The following PRTFDC1 variants were observed in gnomAD, a reference collection of about 807,000 sequenced individuals.
PRTFDC1 encodes phosphoribosyl transferase domain containing 1.
A neutral mutation model predicts 34.6 loss-of-function variants in PRTFDC1; 38 were observed. That is an observed-to-expected ratio of 1.10 (90% CI 0.85 to 1.44). The LOEUF (loss-of-function observed/expected upper bound fraction) is 1.44. Among genes scored for constraint, PRTFDC1 ranks in the 40% most tolerant of loss-of-function variants. PRTFDC1 has a pLI of 0.00. For synonymous variants in PRTFDC1, 93 were observed against 98.1 expected, an observed-to-expected ratio of 0.95 and a Z score of 0.31; for missense variants, 270 against 283.0, an observed-to-expected ratio of 0.95 and a Z score of 0.33.
chr10:24,897,570 T>C (rs891724493), intron 3 of PRTFDC1, among the ~76,000 whole-genome samples: 7 of 152,170 alleles, frequency 4.6e-5, no homozygotes, highest in Non-Finnish European at 7.4e-5. Context: ...AGGGGAGTGA[T>C]AAGAGTGTCC....
chr10:24,896,039 TAC>T (rs1848356664), intron 3 of PRTFDC1, among the ~76,000 whole-genome samples: 2 of 152,100 alleles, frequency 1.3e-5, no homozygotes, highest in African/African-American at 4.8e-5. Context: ...ACCACACATG[TAC>T]AGAGAAGGGC....
intron 3 of PRTFDC1, among the ~76,000 whole-genome samples, chr10:24,881,133 T>C: frequency 6.6e-6 from 1 of 151,546 alleles, no homozygotes; most frequent in South Asian, 2.1e-4. Context: ...AGTGGTGCAA[T>C]CATAGCTTAC....
chr10:24,930,413 A>C (rs949610721), intron 3 of PRTFDC1, among the ~76,000 whole-genome samples: 1 of 152,150 alleles, frequency 6.6e-6, no homozygotes, highest in Non-Finnish European at 1.5e-5. Context: ...TTATTAATTC[A>C]ACATATAAAA....
At chr10:24,917,283 C>T (rs75768066) in intron 3 of PRTFDC1, among the ~76,000 whole-genome samples, 238 of 152,230 alleles carry the variant, frequency 1.6e-3, no homozygotes, top group African/African-American at 5.5e-3. Context: ...GAAAGCAAGC[C>T]GCTGGTGTGA....
chr10:24,856,131 A>G lies in PRTFDC1; in HGVS notation c.507-767T>C, dbSNP rs1847571295. On this transcript the variant is annotated intron_variant, in intron 6 of 8. Transcript: ENST00000320152. ...TCCGTCTCAAAAAAAAAAAAAAAAA[A>G]AAAAAAAAAAGGTAGCTGTCCTAGC... Among the ~76,000 whole-genome samples the G allele has an allele frequency of 2.7e-5, 4 of 149,572 alleles. No homozygotes were observed. The East Asian group carries it at 6.0e-4, about 22-fold the overall frequency.
chr10:24,866,723 T>A (rs1847784927), intron 4 of PRTFDC1, among the ~76,000 whole-genome samples: 1 of 151,736 alleles, frequency 6.6e-6, no homozygotes, highest in Non-Finnish European at 1.5e-5. Flanking sequence ...TCAACAGCAA[T>A]GACCTATTTA....
At chr10:24,941,223 T>C (rs1163335222) in intron 2 of PRTFDC1, among the ~76,000 whole-genome samples, 2 of 149,154 alleles carry the variant, frequency 1.3e-5, no homozygotes, top group Non-Finnish European at 1.5e-5. Context: ...CTGACTAATG[T>C]TTTTTATTTT....
intron 3 of PRTFDC1, among the ~76,000 whole-genome samples, chr10:24,926,658 A>G (rs938923623): frequency 6.6e-6 from 1 of 152,148 alleles, no homozygotes; most frequent in Non-Finnish European, 1.5e-5. Flanking sequence ...CATTTCATCC[A>G]TCTTTCAACT....
rs1304542104 is a variant in PRTFDC1 at position 24,937,271 on chromosome 10, A to G, written c.252T>C (p.Asp84=). ...TGATGTTCTTAAGGTGTTCTACGAG[A>G]TCAGCACAGAATTTGTAACCTCCTT... ...VLKGGYKFCA[D]LVEHLKNISR... The change falls in exon 3 of 9, where the codon GAT becomes GAC. Residue 84 remains aspartate (D), a synonymous_variant. Coordinates refer to ENST00000320152, the MANE Select transcript of PRTFDC1 (RefSeq NM_020200.7). The G allele has an allele frequency of 1.2e-6, 2 of 1,614,040 alleles. No individual in the cohort carries two copies. Among genetic ancestry groups the G allele is most frequent in the Admixed American group, 3.3e-5 (2 of 60,014 alleles).
chr10:24,912,079 G>A (rs2132569996), intron 3 of PRTFDC1, among the ~76,000 whole-genome samples: 1 of 151,702 alleles, frequency 6.6e-6, no homozygotes, highest in South Asian at 2.1e-4. Context: ...GACCAGCTTG[G>A]CCAACAAGGC....
At chr10:24,863,350 T>A (rs1336728958) in intron 4 of PRTFDC1, among the ~76,000 whole-genome samples, 1 of 152,224 alleles carries the variant, frequency 6.6e-6, no homozygotes, top group Admixed American at 6.5e-5. Flanking sequence ...GCTTACAACA[T>A]GCTTACAGCA....
Position 24,895,506 on chromosome 10 carries a change from C to G in PRTFDC1, c.340-23443G>C, listed in dbSNP as rs1346666599. Among the ~76,000 whole-genome samples, 3 of 150,946 alleles carry G rather than the reference C, an allele frequency of 2.0e-5. No individual in the cohort carries two copies. The South Asian group carries it at 6.3e-4, about 32-fold the overall frequency. On this transcript the variant is annotated intron_variant, in intron 3 of 8. Transcript: ENST00000320152. ...CCTCAGGTGATCCACCTGCCTTGGC[C>G]TCCCAAAGTGCTGAGATTACAGGTG...
intron 3 of PRTFDC1, among the ~76,000 whole-genome samples, chr10:24,896,445 T>C (rs969441366): frequency 6.6e-6 from 1 of 152,298 alleles, no homozygotes; most frequent in Non-Finnish European, 1.5e-5. Flanking sequence ...CGGGGACTGC[T>C]CTTCTAGAGG....
chr10:24,888,566 C>T (rs1343872341), intron 3 of PRTFDC1, among the ~76,000 whole-genome samples: 1 of 152,150 alleles, frequency 6.6e-6, no homozygotes, highest in African/African-American at 2.4e-5. Flanking sequence ...TATTCCAATA[C>T]GTTTTCCACT....
chr10:24,883,818 CTTTTTTT>C (rs71399940), intron 3 of PRTFDC1, among the ~76,000 whole-genome samples: 1 of 96,570 alleles, frequency 1.0e-5, no homozygotes, highest in Non-Finnish European at 2.0e-5. Flanking sequence ...CTTAAGAGAC[CTTTTTTT>C]TTTTTTTTTT....
chr10:24,866,961 C>A, intron 4 of PRTFDC1, among the ~76,000 whole-genome samples: 2 of 136,720 alleles, frequency 1.5e-5, no homozygotes, highest in Admixed American at 7.6e-5. Flanking sequence ...TCTCGGGGTT[C>A]AAAGTAAAAA....
rs139887046 is a variant in PRTFDC1 at position 24,938,644 on chromosome 10, TTTGATAGGAAG to T, written c.156-1288_156-1278del. Among the ~76,000 whole-genome samples, 1,280 of 152,192 alleles carry T rather than the reference TTTGATAGGAAG, an allele frequency of 8.4e-3. 11 individuals are homozygous for T. The highest frequency in any genetic ancestry group is 0.014 in the Non-Finnish European group (978 of 67,998). Reference sequence around the variant, plus strand: ...AGTGCACTGGCAGGCTGGCTGGGGATTTGATAGGAAGTTCCAGGGAGGAGGTTAGACAGTCA... The same window carrying T: ...AGTGCACTGGCAGGCTGGCTGGGGATTTCCAGGGAGGAGGTTAGACAGTCA... On this transcript the variant is annotated intron_variant, in intron 2 of 8. Coordinates refer to ENST00000320152, the MANE Select transcript of PRTFDC1 (RefSeq NM_020200.7).
intron 3 of PRTFDC1, among the ~76,000 whole-genome samples, chr10:24,903,123 G>C (rs1288183947): frequency 6.6e-6 from 1 of 152,158 alleles, no homozygotes; most frequent in Non-Finnish European, 1.5e-5. Flanking sequence ...ACTTGAACCT[G>C]GGAGGCAGAG....
intron 3 of PRTFDC1, among the ~76,000 whole-genome samples, chr10:24,913,512 T>C (rs925074677): frequency 6.6e-6 from 1 of 152,226 alleles, no homozygotes; most frequent in African/African-American, 2.4e-5. Flanking sequence ...TCCCAGAGAA[T>C]TGGTTAAGTA....
Sources: allele counts gnomAD v4.1 joint callset (sites outside exome capture counted in the v4.1 genomes callset), GRCh38; gene constraint gnomAD v4.1.1; transcripts MANE v1.5; gene names NCBI Gene and HGNC (gene_info 2026-07-23, HGNC 2026-07-21).